Variants in EHD3 observed in about 807,000 individuals in gnomAD.
EHD3 encodes EH domain containing 3, also known as EH domain-containing protein 3.
EHD3 carries 17 observed loss-of-function variants against 43.0 expected under a neutral mutation model. The ratio of observed to expected loss-of-function variants is 0.40; its 90% CI spans 0.27 to 0.59. The LOEUF (loss-of-function observed/expected upper bound fraction) is 0.59. EHD3 is among the 20% of genes least tolerant of loss of function. The pLI, the probability that EHD3 is intolerant of heterozygous loss-of-function variation, is 0.49. For missense variants in EHD3, 594 were observed against 705.6 expected, an observed-to-expected ratio of 0.84 and a Z score of 1.79; for synonymous variants, 313 against 289.5, an observed-to-expected ratio of 1.08 and a Z score of -0.82.
At position 31,245,735 on chromosome 2, in the gene EHD3, GT is replaced by G. The variant is rs765195110; in HGVS notation, c.404+1310del. On this transcript the variant is annotated intron_variant, in intron 2 of 5. Coordinates refer to ENST00000322054, the MANE Select transcript of EHD3 (RefSeq NM_014600.3). ...TGCCACCACGCCCGACTAATTTTGTGTTTTTTTTTTTTTTTTTTTTTTTTTA... is the reference window on the plus strand; with the variant it reads ...TGCCACCACGCCCGACTAATTTTGTGTTTTTTTTTTTTTTTTTTTTTTTTA... Among the ~76,000 whole-genome samples the G allele has an allele frequency of 7.9e-3, 539 of 68,316 alleles. 1 individual carries two copies. The highest frequency in any genetic ancestry group is 9.8e-3 in the Non-Finnish European group (341 of 34,656). The allele number at this position is 68,316 out of a possible 152,430, so 44.8% of individuals were successfully genotyped here.
At chr2:31,264,736 T>C (rs6748748) in intron 5 of EHD3, among the ~76,000 whole-genome samples, 107,951 of 151,322 alleles carry the variant, frequency 0.71, 38,730 homozygotes, top group East Asian at 0.84. Context: ...GTTTTCACCA[T>C]GTTGGCCAGG....
At chr2:31,234,937 A>C (rs1261907388) in intron 1 of EHD3, 89 bp downstream of exon 1, 1 of 1,254,836 alleles carries the variant, frequency 8.0e-7, no homozygotes, top group Admixed American at 1.9e-5. Context: ...CAGACAGGGG[A>C]CCAATGGGAA....
chr2:31,265,611 T>G (rs1683934208), intron 5 of EHD3, among the ~76,000 whole-genome samples: 1 of 152,238 alleles, frequency 6.6e-6, no homozygotes, highest in South Asian at 2.1e-4. Flanking sequence ...TTGGTTTTAG[T>G]ACCCTGTGCC....
chr2:31,235,476 A>C (rs1275982574), intron 1 of EHD3, among the ~76,000 whole-genome samples: 1 of 151,892 alleles, frequency 6.6e-6, no homozygotes, highest in African/African-American at 2.4e-5. Context: ...CTCTTATTTG[A>C]TCTTAATGGC....
In EHD3 at chr2:31,261,606, G is replaced by T; in HGVS notation, c.973G>T (p.Asp325Tyr). ...KKEMPSVFGK[D>Y]NKKKELVNNL... is the part of the protein sequence containing the mutation. ...GGAGATGCCCTCGGTGTTCGGGAAG[G>T]ACAACAAGAAGAAGGAGCTGGTCAA... The change falls in exon 5 of 6, where the codon GAC (aspartate) becomes TAC (tyrosine). Residue 325 changes from aspartate (D) to tyrosine (Y), a missense_variant. Coordinates refer to ENST00000322054, the MANE Select transcript of EHD3 (RefSeq NM_014600.3). 13 of 1,614,182 alleles carry T rather than the reference G, an allele frequency of 8.1e-6. No homozygotes were observed. Among genetic ancestry groups the T allele is most frequent in the Non-Finnish European group, 1.1e-5 (13 of 1,180,034 alleles).
Position 31,249,386 on chromosome 2 carries a change from G to T in EHD3, c.420G>T (p.Gln140His), listed in dbSNP as rs767201897. The T allele has an allele frequency of 6.2e-7, 1 of 1,614,084 alleles. No individual in the cohort carries two copies. The highest frequency in any genetic ancestry group is 8.5e-7 in the Non-Finnish European group (1 of 1,179,954). The part of the protein sequence containing the change: ...NAFLNRFVCA[Q>H]LPNPVLESIS... ...GCCCATGCAGGTTCGTGTGTGCCCA[G>T]CTACCTAACCCTGTGCTGGAGAGCA... is the stretch of plus-strand genomic sequence containing the variant. Residue 140 changes from glutamine to histidine, a missense_variant, in exon 3 of 6, where the codon CAG (glutamine) becomes CAT (histidine). Gln to His is a conservative substitution (Grantham distance 24). Coordinates refer to ENST00000322054, the MANE Select transcript of EHD3 (RefSeq NM_014600.3).
At chr2:31,262,279 A>G (rs1358030727) in intron 5 of EHD3, among the ~76,000 whole-genome samples, 2 of 152,150 alleles carry the variant, frequency 1.3e-5, no homozygotes, top group Non-Finnish European at 2.9e-5. Context: ...CTGCCTTTTT[A>G]CAGAAGAAAC....
At position 31,260,936 on chromosome 2, in the gene EHD3, C is replaced by G. The variant is rs200458492; in HGVS notation, c.915+14C>G. 1.6e-5 allele frequency: 26 copies of G among 1,579,886 alleles called. No individual in the cohort carries two copies. Among genetic ancestry groups the G allele is most frequent in the Middle Eastern group, 1.7e-4 (1 of 5,866 alleles). On this transcript the variant is annotated intron_variant, in intron 4 of 5. Coordinates refer to ENST00000322054, the MANE Select transcript of EHD3 (RefSeq NM_014600.3). This position sits in a 1 kb window ranked among gnomAD's most constrained non-coding sequence, Gnocchi z 4.6. ...AGGCTGGCCAAGGTGAGGCAGCCCC[C>G]TGGGAGGTGGGCAGCTTGGGCAGGG...
At chr2:31,245,743 T>TTTG (rs1006425161) in intron 2 of EHD3, among the ~76,000 whole-genome samples, 1 of 141,972 alleles carries the variant, frequency 7.0e-6, no homozygotes, top group African/African-American at 2.6e-5. Context: ...GTGTTTTTTT[T>TTTG]TTTTTTTTTT....
chr2:31,251,174 A>C (rs934336705), intron 3 of EHD3, among the ~76,000 whole-genome samples: 2 of 152,198 alleles, frequency 1.3e-5, no homozygotes, highest in Non-Finnish European at 2.9e-5. Flanking sequence ...GCTTCTGTCC[A>C]GTGCTCCTGT....
At chr2:31,252,199 C>G (rs963658054) in intron 3 of EHD3, among the ~76,000 whole-genome samples, 2 of 152,224 alleles carry the variant, frequency 1.3e-5, no homozygotes, top group Non-Finnish European at 2.9e-5. Context: ...ATGTACCACA[C>G]AGCCGTCTTG....
intron 1 of EHD3, among the ~76,000 whole-genome samples, chr2:31,237,562 G>A (rs770580065): frequency 2.0e-5 from 3 of 151,942 alleles, no homozygotes; most frequent in South Asian, 2.1e-4. Context: ...CCGCCAACAC[G>A]CCTGGCCAAT....
chr2:31,243,452 C>CTTTTTT (rs1266371746), intron 1 of EHD3, among the ~76,000 whole-genome samples: 6 of 34,818 alleles, frequency 1.7e-4, no homozygotes, highest in African/African-American at 4.7e-4. Flanking sequence ...TTCTTTCTTT[C>CTTTTTT]TTTCTTTCTT....
intron 2 of EHD3, among the ~76,000 whole-genome samples, chr2:31,248,381 G>A (rs971208052): frequency 5.3e-5 from 8 of 152,192 alleles, no homozygotes; most frequent in Non-Finnish European, 8.8e-5. Context: ...TCTCTGCCTT[G>A]AATCTTCCAA....
chr2:31,260,919 C>A lies in EHD3; in HGVS notation c.912C>A (p.Ala304=). The change falls in exon 4 of 6, where the codon GCC becomes GCA. Residue 304 remains alanine (A), a synonymous_variant. Coordinates refer to ENST00000322054, the MANE Select transcript of EHD3 (RefSeq NM_014600.3). The surrounding 1 kb of genome is among the most constrained non-coding windows in gnomAD (Gnocchi z 4.6). The part of the protein sequence containing the change: ...LNDLIKRARL[A]KVHAYIISSL... ...ACCTCATCAAAAGGGCCAGGCTGGC[C>A]AAGGTGAGGCAGCCCCCTGGGAGGT... 6.3e-7 allele frequency: 1 copy of A among 1,597,992 alleles called. No individual in the cohort carries two copies.
In EHD3 at chr2:31,263,239, AGCTCTTC is replaced by A. The variant is rs1167805237; in HGVS notation, c.1080+1530_1080+1536del. On this transcript the variant is annotated intron_variant, in intron 5 of 5. Transcript: ENST00000322054. Reference sequence around the variant, plus strand: ...CCCGGTCCTTGACTTGGAGCACTTCAGCTCTTCGCTTCTGCTTTTGTTAAGAATTTAA... The same window carrying A: ...CCCGGTCCTTGACTTGGAGCACTTCAGCTTCTGCTTTTGTTAAGAATTTAA... Among the ~76,000 whole-genome samples, 3 of 152,328 alleles carry A rather than the reference AGCTCTTC, an allele frequency of 2.0e-5. No individual in the cohort carries two copies. In the East Asian group the frequency reaches 5.8e-4, roughly 29 times the overall value.
At chr2:31,248,057 G>A (rs1310066204) in intron 2 of EHD3, among the ~76,000 whole-genome samples, 1 of 152,156 alleles carries the variant, frequency 6.6e-6, no homozygotes, top group East Asian at 1.9e-4. Context: ...AGGGAATGAT[G>A]TTGCATCCCT....
chr2:31,267,680 A>C lies in EHD3; in HGVS notation c.*976A>C, dbSNP rs1239128514. ...ACAGAAGTCACGTGATGGAGAGAGGATTCAAAGCCAGGGCCTCAGACCCTC... is the reference window on the plus strand; with the variant it reads ...ACAGAAGTCACGTGATGGAGAGAGGCTTCAAAGCCAGGGCCTCAGACCCTC... On this transcript the variant is annotated 3_prime_UTR_variant, in exon 6 of 6. Coordinates refer to ENST00000322054, the MANE Select transcript of EHD3 (RefSeq NM_014600.3). The C allele has an allele frequency of 6.6e-6, 1 of 152,466 alleles. No homozygotes were observed. Among genetic ancestry groups the C allele is most frequent in the Non-Finnish European group, 1.5e-5 (1 of 68,044 alleles). 9.4% of individuals were successfully genotyped at this position (152,466 alleles called of 1,614,324 possible). A position where few individuals can be genotyped will look rare whatever the true frequency, so the allele number is the denominator to read the frequency against.
chr2:31,266,955 C>A lies in EHD3; in HGVS notation c.*251C>A. On this transcript the variant is annotated 3_prime_UTR_variant, in exon 6 of 6. Transcript: ENST00000322054. The surrounding 1 kb of genome is among the most constrained non-coding windows in gnomAD (Gnocchi z 5.1). ...GGCCCCAGAGTCTAAGCCTAAGTCTCTATCGCTCTTCCCCTCTCCTCGGCC... is the reference window on the plus strand; with the variant it reads ...GGCCCCAGAGTCTAAGCCTAAGTCTATATCGCTCTTCCCCTCTCCTCGGCC... 2 of 502,406 alleles carry A rather than the reference C, an allele frequency of 4.0e-6. No individual in the cohort carries two copies. The highest frequency in any genetic ancestry group is 3.5e-6 in the Non-Finnish European group (1 of 286,902). The allele number at this position is 502,406 out of a possible 1,614,324, so 31.1% of individuals were successfully genotyped here. A position where few individuals can be genotyped will look rare whatever the true frequency, so the allele number is the denominator to read the frequency against.
Sources: allele counts gnomAD v4.1 joint callset (sites outside exome capture counted in the v4.1 genomes callset), GRCh38; gene constraint gnomAD v4.1.1; non-coding constraint Gnocchi (gnomAD v3.1); transcripts MANE v1.5; gene names NCBI Gene and HGNC (gene_info 2026-07-23, HGNC 2026-07-21).